Variants in ITSN2 observed in about 807,000 individuals in gnomAD.
ITSN2 encodes the protein intersectin-2.
ITSN2 carries 156 observed loss-of-function variants against 243.7 expected under a neutral mutation model. The ratio of observed to expected loss-of-function variants is 0.64; its 90% CI spans 0.56 to 0.73. The LOEUF (loss-of-function observed/expected upper bound fraction) is 0.73. ITSN2 is among the 30% of genes least tolerant of loss of function. The probability of loss-of-function intolerance (pLI) is 0.00; values close to 1 mark genes in which losing one functional copy is unlikely to be tolerated. For synonymous variants in ITSN2, 703 were observed against 699.9 expected, an observed-to-expected ratio of 1.00 and a Z score of -0.07; for missense variants, 1,801 against 1,996.1, an observed-to-expected ratio of 0.90 and a Z score of 1.86.
intron 1 of ITSN2, chr2:24,330,418 G>A (rs539087852): frequency 3.3e-6 from 2 of 613,662 alleles, no homozygotes; most frequent in East Asian, 7.3e-5. Flanking sequence ...AAGAGAAAGG[G>A]TGAAGGGGAT....
intron 29 of ITSN2, among the ~76,000 whole-genome samples, chr2:24,234,886 T>C (rs1405369206): frequency 2.0e-5 from 3 of 152,246 alleles, no homozygotes; most frequent in African/African-American, 4.8e-5. Flanking sequence ...CTTTCATTCA[T>C]TGCTGGAGGG....
chr2:24,216,752 G>A (rs181026349), intron 31 of ITSN2, among the ~76,000 whole-genome samples: 1 of 151,928 alleles, frequency 6.6e-6, no homozygotes, highest in Non-Finnish European at 1.5e-5. Context: ...GTGAGACCTT[G>A]CCTCTAAAAA....
intron 12 of ITSN2, among the ~76,000 whole-genome samples, chr2:24,299,428 C>T (rs1450733608): frequency 6.6e-6 from 1 of 152,150 alleles, no homozygotes; most frequent in Non-Finnish European, 1.5e-5. Flanking sequence ...TAAAACACAG[C>T]CAGTCCTCCT....
chr2:24,311,054 T>C (rs1002128381), intron 5 of ITSN2, among the ~76,000 whole-genome samples: 5 of 149,884 alleles, frequency 3.3e-5, no homozygotes, highest in African/African-American at 7.6e-5. Flanking sequence ...ACTAAGTTAC[T>C]TGACTAATAC....
At chr2:24,328,167 G>T in intron 1 of ITSN2, 52 bp from the exon 2 acceptor site, 1 of 1,306,346 alleles carries the variant, frequency 7.7e-7, no homozygotes, top group Non-Finnish European at 1.1e-6. Context: ...GCAAATCACA[G>T]TTTAGTGCAC....
At position 24,246,201 on chromosome 2, in the gene ITSN2, T is replaced by C. The variant is rs770959633; in HGVS notation, c.3505A>G (p.Ile1169Val). The C allele has an allele frequency of 3.1e-6, 5 of 1,613,726 alleles. No homozygotes were observed. The Admixed American group carries it at 6.7e-5, about 22-fold the overall frequency. The change falls in exon 29 of 40, where the codon ATC becomes GTC. Residue 1169 changes from isoleucine to valine, a missense_variant. Around this residue, in one of 5 missense-constraint regions of ITSN2, gnomAD observed 928 missense variants for 1,065.4 expected, o/e 0.87. Transcript: ENST00000355123. ...GGAAAGAGACCAGTCACCCCGTTGA[T>C]CTCTCCTTGCCACCAATCAGGATCA... ...KDDPDWWQGE[I>V]NGVTGLFPSN...
rs778228225 is a variant in ITSN2 at position 24,209,084 on chromosome 2, C to T, written c.4595+16G>A. 5 of 1,613,138 alleles carry T rather than the reference C, an allele frequency of 3.1e-6. No homozygotes were observed. The highest frequency in any genetic ancestry group is 4.2e-6 in the Non-Finnish European group (5 of 1,179,424). ...CTCCCAGAGTTCAAGGCAGGCCACA[C>T]ATGGTCAGGACTGACCTCTCATTAA... is the stretch of plus-strand genomic sequence containing the variant. On this transcript the variant is annotated intron_variant, in intron 36 of 39. Transcript: ENST00000355123.
Position 24,249,307 on chromosome 2 carries a change from G to A in ITSN2, c.3121-425C>T, listed in dbSNP as rs1673809141. Among the ~76,000 whole-genome samples, 1 of 152,094 alleles carries A rather than the reference G, an allele frequency of 6.6e-6. No individual in the cohort carries two copies. Among genetic ancestry groups the A allele is most frequent in the East Asian group, 1.9e-4 (1 of 5,198 alleles). On this transcript the variant is annotated intron_variant, in intron 25 of 39. Coordinates refer to ENST00000355123, the MANE Select transcript of ITSN2 (RefSeq NM_006277.3). This position sits in a 1 kb window ranked among gnomAD's most constrained non-coding sequence, Gnocchi z 4.4. Reference sequence around the variant, plus strand: ...TCTAAGGGATCCTGACTTATCTATGGATCTTGATGAACAGGAGACAATGTT... The same window carrying A: ...TCTAAGGGATCCTGACTTATCTATGAATCTTGATGAACAGGAGACAATGTT...
At chr2:24,303,696 C>T in intron 9 of ITSN2, 103 bp downstream of exon 9, 1 of 823,124 alleles carries the variant, frequency 1.2e-6, no homozygotes, top group Non-Finnish European at 2.1e-6. Flanking sequence ...CTCTGAGTCA[C>T]AAACTTTTAC....
intron 29 of ITSN2, chr2:24,221,570 A>G (rs965513291): frequency 6.6e-6 from 1 of 152,426 alleles, no homozygotes; most frequent in Non-Finnish European, 1.5e-5. Flanking sequence ...TCGAAATGTA[A>G]AATGTATTTC....
chr2:24,257,351 G>A (rs1254112892), intron 23 of ITSN2, among the ~76,000 whole-genome samples: 2 of 151,978 alleles, frequency 1.3e-5, no homozygotes, highest in Non-Finnish European at 2.9e-5. Context: ...CTATAATTTT[G>A]AGTAGCTTGA....
At chr2:24,298,203 G>C (rs778540502) in intron 13 of ITSN2, among the ~76,000 whole-genome samples, 1 of 152,040 alleles carries the variant, frequency 6.6e-6, no homozygotes, top group African/African-American at 2.4e-5. Flanking sequence ...TGTTGCCCAG[G>C]CTCGAGTGCA....
rs769593213 is a variant in ITSN2, at chr2:24,302,057, C to T, written c.903G>A (p.Glu301=). 6.2e-7 allele frequency: 1 copy of T among 1,612,870 alleles called. No individual in the cohort carries two copies. The part of the protein sequence containing the change: ...VDGDGQLKAE[E]FILAMHLTDM... ...CAGTAAGGTGCATTGCAAGAATAAACTCTTCTGCTTTTAGCTGTCCATCAC... is the reference window on the plus strand; with the variant it reads ...CAGTAAGGTGCATTGCAAGAATAAATTCTTCTGCTTTTAGCTGTCCATCAC... Residue 301 remains glutamate (E), a synonymous_variant, in exon 10 of 40, where the codon GAG becomes GAA. Coordinates refer to ENST00000355123, the MANE Select transcript of ITSN2 (RefSeq NM_006277.3).
chr2:24,301,851 C>T lies in ITSN2; in HGVS notation c.995+114G>A, dbSNP rs1681790217. 2.9e-6 allele frequency: 3 copies of T among 1,040,968 alleles called. No homozygotes were observed. The Admixed American group carries it at 8.7e-5, about 30-fold the overall frequency. The allele number at this position is 1,040,968 out of a possible 1,614,324, so 64.5% of individuals were successfully genotyped here. A position where few individuals can be genotyped will look rare whatever the true frequency, so the allele number is the denominator to read the frequency against. On this transcript the variant is annotated intron_variant, in intron 10 of 39. Transcript: ENST00000355123. Reference sequence around the variant, plus strand: ...ACCTACTTCTAATATGTACCCTTTTCAAGTATAACTTGTTGAATACTAAAA... The same window carrying T: ...ACCTACTTCTAATATGTACCCTTTTTAAGTATAACTTGTTGAATACTAAAA...
chr2:24,274,349 C>G (rs572283507), intron 18 of ITSN2, among the ~76,000 whole-genome samples: 10 of 152,196 alleles, frequency 6.6e-5, no homozygotes, highest in African/African-American at 2.4e-4. Flanking sequence ...GTGGGCAGAT[C>G]GCTTGAGCCC....
intron 29 of ITSN2, among the ~76,000 whole-genome samples, chr2:24,235,114 A>G (rs1021572865): frequency 1.3e-5 from 2 of 152,232 alleles, no homozygotes; most frequent in Non-Finnish European, 2.9e-5. Flanking sequence ...CAGTGAGTGG[A>G]TAACTGTGGT....
chr2:24,245,591 AC>A (rs1673258972), intron 29 of ITSN2, among the ~76,000 whole-genome samples: 1 of 151,418 alleles, frequency 6.6e-6, no homozygotes, highest in Non-Finnish European at 1.5e-5. Context: ...GAGATCTCCC[AC>A]CTCAGCCTCC....
intron 1 of ITSN2, among the ~76,000 whole-genome samples, chr2:24,340,701 G>A (rs1208445490): frequency 6.6e-6 from 1 of 151,596 alleles, no homozygotes; most frequent in African/African-American, 2.4e-5. Flanking sequence ...TCAGCATTTG[G>A]TCTATAAGTT....
At position 24,303,862 on chromosome 2, in the gene ITSN2, C is replaced by A; in HGVS notation, c.794G>T (p.Gly265Val). ...AAGAAGGGCATTTCTAGCTTGAAAACCTGATTAAGTGGGGAAAATCATAAA... is the reference window on the plus strand; with the variant it reads ...AAGAAGGGCATTTCTAGCTTGAAAAACTGATTAAGTGGGGAAAATCATAAA... ...LDKSMSGYLS[G>V]FQARNALLQS... The change falls in exon 9 of 40, where the codon GGT (glycine) becomes GTT (valine). Residue 265 changes from glycine (G) to valine (V), a missense_variant and splice_region_variant. Gly to Val is a moderately radical substitution (Grantham distance 109). Around this residue, in one of 5 missense-constraint regions of ITSN2, gnomAD observed 787 missense variants for 803.9 expected, o/e 0.98. Coordinates refer to ENST00000355123, the MANE Select transcript of ITSN2 (RefSeq NM_006277.3). 1.2e-6 allele frequency: 2 copies of A among 1,600,110 alleles called. No individual in the cohort carries two copies. Among genetic ancestry groups the A allele is most frequent in the South Asian group, 1.1e-5 (1 of 90,770 alleles).
Sources: gnomAD v4.1 joint callset for allele counts (sites outside exome capture counted in the v4.1 genomes callset) on GRCh38, gnomAD v4.1.1 for gene constraint, gnomAD v4.1.1 regional missense constraint, Gnocchi (gnomAD v3.1) non-coding constraint, MANE v1.5 for transcripts, NCBI Gene and HGNC (gene_info 2026-07-23, HGNC 2026-07-21) for gene names.